The following SPON2 variants were observed in gnomAD, a reference collection of about 807,000 sequenced individuals.
SPON2 encodes the protein spondin 2.
Under a neutral mutation model 29.9 loss-of-function variants are expected in SPON2, and 32 were observed. The observed-to-expected ratio is 1.07, with a 90% CI of 0.81 to 1.44. The LOEUF is 1.44. SPON2 is among the 40% of genes most tolerant of loss of function. SPON2 has a pLI of 0.00. For missense variants in SPON2, 541 were observed against 455.5 expected, an observed-to-expected ratio of 1.19 and a Z score of -1.71; for synonymous variants, 248 against 209.1, an observed-to-expected ratio of 1.19 and a Z score of -1.61.
At chr4:1,171,661 CCG>C in intron 2 of SPON2, 175 bp from the exon 3 acceptor site, 1 of 777,652 alleles carries the variant, frequency 1.3e-6, no homozygotes, top group Non-Finnish European at 2.0e-6. Context: ...TGCGCCCTCC[CCG>C]TGAGCGCCCC....
upstream of SPON2, among the ~76,000 whole-genome samples, chr4:1,195,992 T>C (rs183460028): frequency 3.0e-4 from 46 of 152,266 alleles, no homozygotes; most frequent in East Asian, 8.9e-3. Context: ...TGGGGTCTTG[T>C]GGCTTACATG....
rs1169234304 is a variant in SPON2, at chr4:1,186,307, G to GT, written c.-238-6767dup. On this transcript the variant is annotated intron_variant, in intron 1 of 3. Transcript: ENST00000502483. ...GGCAACTCAAAAGATGGGAGAAAAT[G>GT]TTTTTTTTTTTTTTGAGATGGAGTC... Among the ~76,000 whole-genome samples the GT allele has an allele frequency of 3.8e-3, 518 of 137,762 alleles. 1 individual carries two copies. Among genetic ancestry groups the GT allele is most frequent in the African/African-American group, 6.7e-3 (256 of 38,088 alleles). The allele number at this position is 137,762 out of a possible 152,430, so 90.4% of individuals were successfully genotyped here. A position where few individuals can be genotyped will look rare whatever the true frequency, so the allele number is the denominator to read the frequency against.
chr4:1,167,281 G>A lies in SPON2; in HGVS notation c.*191C>T. On this transcript the variant is annotated 3_prime_UTR_variant, in exon 6 of 6. Transcript: ENST00000290902. ...CCTAAGAAGCAAGGTTGGGAAAGGA[G>A]GAGGCTGTTTCCCAATGCCCGTGCC... is the stretch of plus-strand genomic sequence containing the variant. 3.5e-6 allele frequency: 2 copies of A among 570,772 alleles called. No individual in the cohort carries two copies. Among genetic ancestry groups the A allele is most frequent in the Middle Eastern group, 4.6e-4 (1 of 2,154 alleles). The allele number at this position is 570,772 out of a possible 1,614,324, so 35.4% of individuals were successfully genotyped here. A position where few individuals can be genotyped will look rare whatever the true frequency, so the allele number is the denominator to read the frequency against.
chr4:1,167,583 C>T lies in SPON2; in HGVS notation c.885G>A (p.Arg295=). 6.2e-7 allele frequency: 1 copy of T among 1,613,582 alleles called. No individual in the cohort carries two copies. The highest frequency in any genetic ancestry group is 1.1e-5 in the South Asian group (1 of 91,070). The change falls in exon 6 of 6, where the codon AGG becomes AGA. Residue 295 remains arginine, a synonymous_variant. Coordinates refer to ENST00000290902, the MANE Select transcript of SPON2 (RefSeq NM_012445.4). ...SWGLCGGHCG[R]LGTKSRTRYV... is the part of the protein sequence containing the mutation. Reference sequence around the variant, plus strand: ...AGCGAGTCCTGCTCTTGGTCCCGAGCCTCCCACAGTGGCCTCCGCACAGTC... The same window carrying T: ...AGCGAGTCCTGCTCTTGGTCCCGAGTCTCCCACAGTGGCCTCCGCACAGTC...
At chr4:1,186,060 C>CA (rs1560207613) in intron 1 of SPON2, among the ~76,000 whole-genome samples, 5 of 146,320 alleles carry the variant, frequency 3.4e-5, no homozygotes, top group Non-Finnish European at 7.6e-5. Flanking sequence ...CTGGCTAACA[C>CA]GGTGAAACCC....
upstream of SPON2, among the ~76,000 whole-genome samples, chr4:1,174,512 A>AC (rs1560203867): frequency 7.4e-5 from 11 of 148,758 alleles, no homozygotes; most frequent in African/African-American, 2.1e-4. Flanking sequence ...ACAAAAAAAC[A>AC]AAAAACAAAA....
At chr4:1,197,228 C>T (rs1443635362), upstream of SPON2, 2 of 152,216 alleles carry the variant, frequency 1.3e-5, no homozygotes, top group African/African-American at 4.8e-5. Context: ...TCACGGGAAA[C>T]AGAGCTTCCA....
rs749100583 is a variant in SPON2 at position 1,171,324 on chromosome 4, G to A, written c.383C>T (p.Ala128Val). The stretch of plus-strand genomic sequence containing the variant: ...CGTCTGCCCGGTGCCGCTGGGGACG[G>A]CGGGCGCCGAAAACACCGCGTGCAC... ...QSVHAVFSAP[A>V]VPSGTGQTSA... The change falls in exon 3 of 6, where the codon GCC becomes GTC. Residue 128 changes from alanine to valine, a missense_variant. Physicochemically the swap from Ala to Val is moderately conservative, Grantham distance 64 (BLOSUM62 0). Transcript: ENST00000290902. The A allele has an allele frequency of 3.1e-6, 5 of 1,602,282 alleles. No individual in the cohort carries two copies. The highest frequency in any genetic ancestry group is 1.8e-4 in the Middle Eastern group (1 of 5,612).
upstream of SPON2, among the ~76,000 whole-genome samples, chr4:1,175,668 G>C (rs551287207): frequency 2.7e-4 from 41 of 151,148 alleles, 1 homozygote; most frequent in African/African-American, 9.2e-4. Context: ...GGCCTCGGGG[G>C]CTTCAGCTAG....
chr4:1,170,591 G>T lies in SPON2; in HGVS notation c.637-15C>A. The T allele has an allele frequency of 8.1e-7, 1 of 1,235,952 alleles. No individual in the cohort carries two copies. Among genetic ancestry groups the T allele is most frequent in the Non-Finnish European group, 1.1e-6 (1 of 907,832 alleles). The allele number at this position is 1,235,952 out of a possible 1,614,324, so 76.6% of individuals were successfully genotyped here. A position where few individuals can be genotyped will look rare whatever the true frequency, so the allele number is the denominator to read the frequency against. On this transcript the variant is annotated splice_polypyrimidine_tract_variant and intron_variant, in intron 4 of 5. Coordinates refer to ENST00000290902, the MANE Select transcript of SPON2 (RefSeq NM_012445.4). ...GAGGACGTTATCTGGGGAGGAAGAA[G>T]AGGAGGTTGGCCTGGGGTCCGAGAA... is the stretch of plus-strand genomic sequence containing the variant.
At chr4:1,195,374 G>C (rs905007410), upstream of SPON2, among the ~76,000 whole-genome samples, 1 of 152,094 alleles carries the variant, frequency 6.6e-6, no homozygotes, top group Non-Finnish European at 1.5e-5. Context: ...GTCGGTGGGC[G>C]CATCAGCTTG....
chr4:1,201,536 T>G, intron 1 of SPON2: 1 of 161,440 alleles, frequency 6.2e-6, no homozygotes, highest in Non-Finnish European at 1.4e-5. Context: ...ACCCCGGGAG[T>G]GCCTGCCACA....
intron 1 of SPON2, among the ~76,000 whole-genome samples, chr4:1,183,487 T>C (rs761649577): frequency 6.6e-6 from 1 of 152,242 alleles, no homozygotes; most frequent in African/African-American, 2.4e-5. Flanking sequence ...AACCCCACTT[T>C]TTTGTTTTCT....
upstream of SPON2, among the ~76,000 whole-genome samples, chr4:1,198,086 C>G (rs1008615316): frequency 6.6e-6 from 1 of 151,790 alleles, no homozygotes; most frequent in African/African-American, 2.4e-5. Context: ...ATGACTACCT[C>G]TATTTAGAAT....
chr4:1,170,431 C>T lies in SPON2; in HGVS notation c.782G>A (p.Arg261Lys), dbSNP rs200761543. Reference protein sequence around the residue: ...FIPPAPVLPSRDNEIVDSASV... With the variant: ...FIPPAPVLPSKDNEIVDSASV... ...GGCGCTGTCTACAATCTCATTGTCCCTGCTGGGCAGGACTGGGGCGGGAGG... is the reference window on the plus strand; with the variant it reads ...GGCGCTGTCTACAATCTCATTGTCCTTGCTGGGCAGGACTGGGGCGGGAGG... The change falls in exon 5 of 6, where the codon AGG becomes AAG. Residue 261 changes from arginine (R) to lysine (K), a missense_variant. Coordinates refer to ENST00000290902, the MANE Select transcript of SPON2 (RefSeq NM_012445.4). 1.0e-4 allele frequency: 163 copies of T among 1,613,748 alleles called. No individual in the cohort carries two copies. The highest frequency in any genetic ancestry group is 5.5e-5 in the South Asian group (5 of 91,080).
intron 5 of SPON2, 124 bp from the exon 6 acceptor site, chr4:1,167,780 T>A (rs1418000316): frequency 1.9e-6 from 2 of 1,063,194 alleles, no homozygotes; most frequent in African/African-American, 1.6e-5. Flanking sequence ...CGGGGGCACT[T>A]GCGTTTCTCC....
At chr4:1,190,089 G>T (rs1443168751) in intron 1 of SPON2, among the ~76,000 whole-genome samples, 1 of 151,610 alleles carries the variant, frequency 6.6e-6, no homozygotes, top group East Asian at 1.9e-4. Flanking sequence ...AATCAGGAAT[G>T]AAATAGAAGA....
upstream of SPON2, among the ~76,000 whole-genome samples, chr4:1,175,629 C>T (rs796736666): frequency 2.0e-5 from 3 of 150,362 alleles, no homozygotes; most frequent in African/African-American, 7.4e-5. Context: ...GGGGGTTCTC[C>T]AGCTAGGATG....
At chr4:1,200,193 G>A (rs1035172510) in intron 1 of SPON2, 1 of 152,518 alleles carries the variant, frequency 6.6e-6, no homozygotes, top group Non-Finnish European at 1.5e-5. Context: ...GGGCTGCTGT[G>A]AGTTAAGGGG....
Sources: gnomAD v4.1 joint callset for allele counts (sites outside exome capture counted in the v4.1 genomes callset) on GRCh38, gnomAD v4.1.1 for gene constraint, MANE v1.5 for transcripts, NCBI Gene and HGNC (gene_info 2026-07-23, HGNC 2026-07-21) for gene names.